Variants in PTPRM observed in about 807,000 individuals in gnomAD.
The protein encoded by PTPRM is receptor-type tyrosine-protein phosphatase mu.
Under a neutral mutation model 186.7 loss-of-function variants are expected in PTPRM, and 47 were observed. The ratio of observed to expected loss-of-function variants is 0.25; its 90% CI spans 0.20 to 0.32. The LOEUF is 0.32. Ranked by LOEUF, PTPRM falls within the 10% of genes least tolerant of loss-of-function variation. The pLI is 1.00. For missense variants in PTPRM, 1,494 were observed against 1,865.0 expected (o/e 0.80, Z 3.66); for synonymous variants, 668 against 674.9 (o/e 0.99, Z 0.16).
intron 1 of PTPRM, among the ~76,000 whole-genome samples, chr18:7,675,024 G>A (rs980287250): frequency 1.3e-5 from 2 of 152,196 alleles, no homozygotes; most frequent in Admixed American, 1.3e-4. Flanking sequence ...TGTAAAGAGT[G>A]TTGTAAGTTG....
intron 14 of PTPRM, among the ~76,000 whole-genome samples, chr18:8,242,784 C>T (rs139013015): frequency 2.6e-5 from 4 of 152,150 alleles, no homozygotes; most frequent in Non-Finnish European, 2.9e-5. Flanking sequence ...AAAGATTATC[C>T]GTATGGTCTT....
chr18:7,892,918 C>T (rs1201660541), intron 3 of PTPRM, among the ~76,000 whole-genome samples: 3 of 152,228 alleles, frequency 2.0e-5, no homozygotes, highest in Non-Finnish European at 2.9e-5. Flanking sequence ...CCCTCGTCAC[C>T]CCATCGCCTC....
chr18:8,135,229 C>A (rs1221003435), intron 13 of PTPRM, among the ~76,000 whole-genome samples: 2 of 152,164 alleles, frequency 1.3e-5, no homozygotes, highest in East Asian at 3.8e-4. Context: ...TTTGCCTCTT[C>A]ATTGTATAAA....
At chr18:7,593,009 C>G (rs1490208972) in intron 1 of PTPRM, among the ~76,000 whole-genome samples, 1 of 152,156 alleles carries the variant, frequency 6.6e-6, no homozygotes, top group African/African-American at 2.4e-5. Flanking sequence ...TCTTCTGTTC[C>G]TTTCAGATTT....
chr18:8,145,099 T>G (rs2092851329), intron 14 of PTPRM, among the ~76,000 whole-genome samples: 1 of 152,082 alleles, frequency 6.6e-6, no homozygotes, highest in Non-Finnish European at 1.5e-5. Context: ...AGAGCTCAAA[T>G]CAGGAAGACC....
At chr18:7,578,579 C>T (rs1200041357) in intron 1 of PTPRM, among the ~76,000 whole-genome samples, 1 of 152,022 alleles carries the variant, frequency 6.6e-6, no homozygotes, top group Non-Finnish European at 1.5e-5. Flanking sequence ...TCGTGATCCG[C>T]CCACCTTGGC....
chr18:7,595,479 A>G (rs1280787776), intron 1 of PTPRM, among the ~76,000 whole-genome samples: 1 of 152,188 alleles, frequency 6.6e-6, no homozygotes, highest in Non-Finnish European at 1.5e-5. Flanking sequence ...TTGTTCTGGC[A>G]TAGTTAATGT....
At chr18:7,761,901 A>T (rs369556122) in intron 1 of PTPRM, among the ~76,000 whole-genome samples, 1 of 152,276 alleles carries the variant, frequency 6.6e-6, no homozygotes. Context: ...ATGTAGCCAG[A>T]GTGTTCAGTG....
At chr18:8,034,077 T>G (rs1040703162) in intron 7 of PTPRM, among the ~76,000 whole-genome samples, 6 of 152,144 alleles carry the variant, frequency 3.9e-5, no homozygotes. Context: ...TTATTGGATT[T>G]AAGGTCAACC....
chr18:8,288,946 A>G (rs529517398), intron 19 of PTPRM, among the ~76,000 whole-genome samples: 11 of 152,294 alleles, frequency 7.2e-5, no homozygotes, highest in African/African-American at 2.6e-4. Flanking sequence ...CATTCCATAA[A>G]ACGTGGTAAC....
chr18:8,289,956 C>T (rs184729143), intron 19 of PTPRM, among the ~76,000 whole-genome samples: 2 of 152,292 alleles, frequency 1.3e-5, no homozygotes, highest in East Asian at 3.9e-4. Flanking sequence ...GCTCCTTTTG[C>T]CTGCCTTTGT....
At chr18:8,229,961 G>C (rs1295494238) in intron 14 of PTPRM, among the ~76,000 whole-genome samples, 1 of 152,280 alleles carries the variant, frequency 6.6e-6, no homozygotes, top group Non-Finnish European at 1.5e-5. Flanking sequence ...GTGACTCATC[G>C]TGTGGTGTTG....
chr18:8,314,737 A>G, intron 20 of PTPRM, 44 bp from the exon 21 acceptor site: 2 of 1,478,226 alleles, frequency 1.4e-6, no homozygotes, highest in Non-Finnish European at 1.9e-6. Flanking sequence ...CACCTACCAG[A>G]TTGCTTTTGT....
In PTPRM at chr18:7,740,617, G is replaced by T. The variant is rs546060988; in HGVS notation, c.74-33532G>T. Among the ~76,000 whole-genome samples, 71 of 152,154 alleles carry T rather than the reference G, an allele frequency of 4.7e-4. No individual in the cohort carries two copies. In the South Asian group the frequency reaches 5.6e-3, roughly 12 times the overall value. On this transcript the variant is annotated intron_variant, in intron 1 of 32. Transcript: ENST00000580170. The stretch of plus-strand genomic sequence containing the variant: ...AAAATTTATGTAGAGATAGAATCTT[G>T]CTATATTGCCCAGGCCAGTCTCAAA...
intron 1 of PTPRM, among the ~76,000 whole-genome samples, chr18:7,690,910 T>C (rs1324211662): frequency 6.6e-6 from 1 of 152,194 alleles, no homozygotes; most frequent in African/African-American, 2.4e-5. Context: ...TAAGTTATGA[T>C]TATATGTATA....
intron 13 of PTPRM, among the ~76,000 whole-genome samples, chr18:8,141,446 C>G (rs1321300650): frequency 1.3e-5 from 2 of 152,152 alleles, no homozygotes; most frequent in Non-Finnish European, 2.9e-5. Context: ...ACTGAGCTTC[C>G]ACAGGCTGCA....
At chr18:8,091,963 G>A (rs534082130) in intron 11 of PTPRM, among the ~76,000 whole-genome samples, 4 of 152,174 alleles carry the variant, frequency 2.6e-5, no homozygotes, top group South Asian at 4.2e-4. Context: ...AAATGGAAGC[G>A]AACATCTGTT....
intron 23 of PTPRM, among the ~76,000 whole-genome samples, chr18:8,366,357 G>A (rs931802707): frequency 4.6e-5 from 7 of 152,148 alleles, no homozygotes; most frequent in African/African-American, 1.2e-4. Context: ...TGTTCAAAGC[G>A]CACATTTTCA....
intron 19 of PTPRM, among the ~76,000 whole-genome samples, chr18:8,260,309 C>G (rs772978557): frequency 1.3e-5 from 2 of 152,054 alleles, no homozygotes; most frequent in East Asian, 1.9e-4. Context: ...ACTACAGGCA[C>G]GCACCACCAA....
Sources: gnomAD v4.1 joint callset for allele counts (sites outside exome capture counted in the v4.1 genomes callset) on GRCh38, gnomAD v4.1.1 for gene constraint, MANE v1.5 for transcripts, NCBI Gene and HGNC (gene_info 2026-07-23, HGNC 2026-07-21) for gene names.